EPHB2: variants seen among roughly 807,000 people sequenced by gnomAD.
The protein encoded by EPHB2 is ephrin type-B receptor 2.
In EPHB2, 18 loss-of-function variants were observed where a neutral mutation model predicts 96.4. The ratio of observed to expected loss-of-function variants is 0.19; its 90% CI spans 0.13 to 0.28. The LOEUF (loss-of-function observed/expected upper bound fraction) is 0.28, where lower values mean the gene tolerates loss of function less well. Ranked by LOEUF, EPHB2 falls within the 10% of genes least tolerant of loss-of-function variation. The pLI, the probability that EPHB2 is intolerant of heterozygous loss-of-function variation, is 1.00. For missense variants in EPHB2, 989 were observed against 1,355.4 expected (o/e 0.73, Z 4.25); for synonymous variants, 506 against 534.1 (o/e 0.95, Z 0.72).
chr1:22,851,369 G>A (rs1645623432), intron 3 of EPHB2, among the ~76,000 whole-genome samples: 1 of 152,202 alleles, frequency 6.6e-6, no homozygotes, highest in Non-Finnish European at 1.5e-5. Flanking sequence ...TGGCTGTTCT[G>A]CAGGATCCTG....
chr1:22,819,877 G>A (rs1645129068), intron 3 of EPHB2, among the ~76,000 whole-genome samples: 1 of 151,402 alleles, frequency 6.6e-6, no homozygotes, highest in Non-Finnish European at 1.5e-5. Context: ...CCCCCTCAGG[G>A]CCAGTTAGAC....
At chr1:22,779,190 C>T (rs983153326) in intron 1 of EPHB2, among the ~76,000 whole-genome samples, 6 of 152,240 alleles carry the variant, frequency 3.9e-5, no homozygotes, top group Non-Finnish European at 5.9e-5. Flanking sequence ...CTGTAGCATT[C>T]GGAGTGTGAA....
rs1645295641 is a variant in EPHB2, at chr1:22,830,962, A to G, written c.812-32075A>G. Among the ~76,000 whole-genome samples the G allele has an allele frequency of 3.3e-5, 5 of 152,356 alleles. No individual in the cohort carries two copies. In the South Asian group the frequency reaches 1.0e-3, roughly 32 times the overall value. On this transcript the variant is annotated intron_variant, in intron 3 of 15. Coordinates refer to ENST00000374630, the MANE Select transcript of EPHB2 (RefSeq NM_017449.5). ...AGAGGCTCCAAGAACGACAGCAGAC[A>G]TTTCAAATGTAGAATGGCCAAGTGT...
chr1:22,843,535 CCTT>C (rs1448983561), intron 3 of EPHB2, among the ~76,000 whole-genome samples: 5 of 151,938 alleles, frequency 3.3e-5, no homozygotes, highest in South Asian at 2.1e-4. Context: ...TCTTTTGTTC[CCTT>C]CTTCTTTTTC....
chr1:22,765,886 G>A (rs190822108), intron 1 of EPHB2, among the ~76,000 whole-genome samples: 1 of 152,168 alleles, frequency 6.6e-6, no homozygotes, highest in Non-Finnish European at 1.5e-5. Context: ...TCCCTGGGGT[G>A]GGGGCAGAGG....
intron 3 of EPHB2, among the ~76,000 whole-genome samples, chr1:22,828,516 T>G (rs1247311988): frequency 6.6e-6 from 1 of 152,068 alleles, no homozygotes; most frequent in Non-Finnish European, 1.5e-5. Flanking sequence ...AAAAGAAAGC[T>G]GGAGACCTTT....
intron 3 of EPHB2, among the ~76,000 whole-genome samples, chr1:22,853,875 G>C (rs961856934): frequency 1.3e-5 from 2 of 152,256 alleles, no homozygotes; most frequent in Middle Eastern, 3.2e-3. Flanking sequence ...TGGCAGGGGT[G>C]GGGGCCTGGC....
chr1:22,808,562 T>A (rs1644960040), intron 3 of EPHB2, among the ~76,000 whole-genome samples: 1 of 152,184 alleles, frequency 6.6e-6, no homozygotes, highest in Non-Finnish European at 1.5e-5. Flanking sequence ...CAGAGTCAAG[T>A]CCAATGCTCA....
intron 3 of EPHB2, among the ~76,000 whole-genome samples, chr1:22,819,205 GTCTCTCTCTCTCTCTCTC>G (rs71020453): frequency 3.9e-5 from 4 of 103,468 alleles, no homozygotes; most frequent in East Asian, 3.3e-4. Flanking sequence ...CCCAGCAGAT[GTCTCTCTCTCTCTCTCTC>G]TCTCTCTCTC....
At chr1:22,780,685 T>C (rs1304571073) in intron 1 of EPHB2, among the ~76,000 whole-genome samples, 1 of 152,146 alleles carries the variant, frequency 6.6e-6, no homozygotes, top group African/African-American at 2.4e-5. Flanking sequence ...ATGTAAAATA[T>C]CAAGGGTTTA....
chr1:22,732,782 G>A (rs776494780), intron 1 of EPHB2, among the ~76,000 whole-genome samples: 2 of 152,136 alleles, frequency 1.3e-5, no homozygotes, highest in South Asian at 2.1e-4. Context: ...CTCCTCCTGC[G>A]TTCCTGGGCG....
At chr1:22,810,539 G>A (rs1039384946) in intron 3 of EPHB2, among the ~76,000 whole-genome samples, 4 of 152,236 alleles carry the variant, frequency 2.6e-5, no homozygotes, top group Non-Finnish European at 5.9e-5. Context: ...CTAAACCAGA[G>A]GTTGTCCTTA....
At chr1:22,839,624 G>A in intron 3 of EPHB2, among the ~76,000 whole-genome samples, 1 of 152,180 alleles carries the variant, frequency 6.6e-6, no homozygotes, top group Non-Finnish European at 1.5e-5. Context: ...CAAAGGAAAG[G>A]ACATTGAAAT....
chr1:22,711,628 A>C (rs1251165336), intron 1 of EPHB2, among the ~76,000 whole-genome samples: 1 of 151,644 alleles, frequency 6.6e-6, no homozygotes, highest in Non-Finnish European at 1.5e-5. Context: ...CGCGGCGTAC[A>C]ATGGGGTCCC....
At chr1:22,869,966 A>G (rs567264329) in intron 5 of EPHB2, among the ~76,000 whole-genome samples, 2 of 152,304 alleles carry the variant, frequency 1.3e-5, no homozygotes, top group Non-Finnish European at 2.9e-5. Context: ...ACCACAGTGA[A>G]CATTCAGCGA....
intron 1 of EPHB2, among the ~76,000 whole-genome samples, chr1:22,720,660 TCCCCCCCCC>T (rs916713865): frequency 5.2e-5 from 3 of 57,400 alleles, no homozygotes; most frequent in South Asian, 2.6e-3. Flanking sequence ...GAAATCTCAT[TCCCCCCCCC>T]CCCCGCCCCA....
chr1:22,745,060 T>G (rs929367897), intron 1 of EPHB2, among the ~76,000 whole-genome samples: 2 of 152,108 alleles, frequency 1.3e-5, no homozygotes, highest in Non-Finnish European at 2.9e-5. Flanking sequence ...TTCAAACTGG[T>G]GTTATCCAAG....
chr1:22,869,655 C>T (rs1338009915), intron 5 of EPHB2, among the ~76,000 whole-genome samples: 1 of 152,100 alleles, frequency 6.6e-6, no homozygotes, highest in African/African-American at 2.4e-5. Context: ...TCTTTCTGTT[C>T]CTCCTAAGTA....
intron 5 of EPHB2, among the ~76,000 whole-genome samples, chr1:22,872,614 C>A (rs904496664): frequency 6.6e-6 from 1 of 152,138 alleles, no homozygotes; most frequent in Non-Finnish European, 1.5e-5. Flanking sequence ...AACTGAGGTC[C>A]ACAGAGGTTC....
Sources: gnomAD v4.1 joint callset for allele counts (sites outside exome capture counted in the v4.1 genomes callset) on GRCh38, gnomAD v4.1.1 for gene constraint, MANE v1.5 for transcripts, NCBI Gene and HGNC (gene_info 2026-07-23, HGNC 2026-07-21) for gene names.